RBFOX1: variants seen among roughly 807,000 people sequenced by gnomAD.
RBFOX1 encodes RNA binding fox-1 homolog 1, also known as RNA binding protein fox-1 homolog 1.
Under a neutral mutation model 57.7 loss-of-function variants are expected in RBFOX1, and 8 were observed. The ratio of observed to expected loss-of-function variants is 0.14; its 90% CI spans 0.08 to 0.25. The LOEUF is 0.25. Among genes scored for constraint, RBFOX1 ranks in the 10% least tolerant of loss-of-function variants. The pLI, the probability that RBFOX1 is intolerant of heterozygous loss-of-function variation, is 1.00. For missense variants in RBFOX1, 611 were observed against 548.5 expected (o/e 1.11, Z -1.14); for synonymous variants, 326 against 222.4 (o/e 1.47, Z -4.15).
chr16:7,451,466 C>T (rs894516823), intron 4 of RBFOX1, among the ~76,000 whole-genome samples: 8 of 152,016 alleles, frequency 5.3e-5, no homozygotes, highest in African/African-American at 9.7e-5. Flanking sequence ...ATTTTGTGCT[C>T]GGGACCGTAA....
chr16:6,701,874 C>T (rs1026105260), intron 3 of RBFOX1, among the ~76,000 whole-genome samples: 2 of 152,062 alleles, frequency 1.3e-5, no homozygotes, highest in African/African-American at 2.4e-5. Context: ...ACTGTGTTCT[C>T]ACTTATAAAT....
upstream of RBFOX1, among the ~76,000 whole-genome samples, chr16:6,016,727 C>T (rs536478088): frequency 1.3e-5 from 2 of 152,190 alleles, no homozygotes; most frequent in East Asian, 1.9e-4. Context: ...CATAGCAGGG[C>T]GATTCTTGGC....
intron 2 of RBFOX1, among the ~76,000 whole-genome samples, chr16:5,521,386 A>G (rs989524302): frequency 1.3e-5 from 2 of 152,282 alleles, no homozygotes; most frequent in East Asian, 3.9e-4. Flanking sequence ...TGGAAAAAGA[A>G]AAAAGATCAT....
chr16:6,619,211 C>A lies in RBFOX1; in HGVS notation c.-63-35392C>A, dbSNP rs117946381. Among the ~76,000 whole-genome samples, 6 of 152,100 alleles carry A rather than the reference C, an allele frequency of 3.9e-5. No individual in the cohort carries two copies. In the South Asian group the frequency reaches 6.2e-4, roughly 16 times the overall value. On this transcript the variant is annotated intron_variant, in intron 2 of 15. Coordinates refer to ENST00000550418, the MANE Select transcript of RBFOX1 (RefSeq NM_018723.4). ...TCTGATGTCTCATGCCTCTGTCCCC[C>A]CCTTAAACAGTGAGGCAGCTGGGCT...
chr16:7,683,882 G>T (rs1230331880), intron 14 of RBFOX1, among the ~76,000 whole-genome samples: 1 of 151,950 alleles, frequency 6.6e-6, no homozygotes. Flanking sequence ...ATCCAGTAAA[G>T]CAGAAGATAG....
chr16:6,954,651 G>A (rs1041496807), intron 3 of RBFOX1, among the ~76,000 whole-genome samples: 19 of 152,080 alleles, frequency 1.2e-4, no homozygotes, highest in African/African-American at 4.6e-4. Context: ...TTCTAGGGCA[G>A]TTCTCCAATA....
intron 3 of RBFOX1, among the ~76,000 whole-genome samples, chr16:6,891,025 C>T (rs886308493): frequency 5.3e-5 from 8 of 152,140 alleles, no homozygotes; most frequent in Non-Finnish European, 1.2e-4. Flanking sequence ...GTTTTGAGGA[C>T]AGGAGTTACG....
At chr16:6,206,616 C>G (rs1038178447) in intron 1 of RBFOX1, among the ~76,000 whole-genome samples, 7 of 152,112 alleles carry the variant, frequency 4.6e-5, no homozygotes, top group African/African-American at 7.2e-5. Flanking sequence ...ATTTCCACCA[C>G]AATACATTTT....
At chr16:7,034,832 TTTTTTTTTC>T (rs1438734533) in intron 3 of RBFOX1, among the ~76,000 whole-genome samples, 18 of 113,532 alleles carry the variant, frequency 1.6e-4, no homozygotes, top group African/African-American at 4.1e-4. Flanking sequence ...CATTACTTTT[TTTTTTTTTC>T]TTTTTTCTTT....
intron 3 of RBFOX1, among the ~76,000 whole-genome samples, chr16:6,699,215 C>G (rs1165521099): frequency 6.6e-6 from 1 of 152,018 alleles, no homozygotes; most frequent in East Asian, 1.9e-4. Context: ...ATATGGACTA[C>G]TGTTCTGGGA....
At chr16:5,899,972 G>T (rs1037580362) in intron 4 of RBFOX1, among the ~76,000 whole-genome samples, 2 of 152,176 alleles carry the variant, frequency 1.3e-5, no homozygotes, top group Non-Finnish European at 2.9e-5. Context: ...ACTGGGATGG[G>T]GAGGCTGAGA....
intron 3 of RBFOX1, among the ~76,000 whole-genome samples, chr16:5,678,488 G>C (rs1182501741): frequency 6.6e-6 from 1 of 152,182 alleles, no homozygotes; most frequent in Non-Finnish European, 1.5e-5. Flanking sequence ...AAGCGGGTAG[G>C]GCAAGGTCTT....
At chr16:7,458,161 A>G (rs1160780848) in intron 4 of RBFOX1, among the ~76,000 whole-genome samples, 4 of 152,154 alleles carry the variant, frequency 2.6e-5, no homozygotes, top group Non-Finnish European at 5.9e-5. Context: ...GGTGTGCACC[A>G]CACGTCTATA....
intron 2 of RBFOX1, among the ~76,000 whole-genome samples, chr16:6,537,455 A>G (rs111411474): frequency 9.8e-5 from 15 of 152,304 alleles, no homozygotes; most frequent in African/African-American, 3.1e-4. Context: ...AACAGTATAG[A>G]TAGACACAGT....
At chr16:6,827,915 A>T (rs569784613) in intron 3 of RBFOX1, among the ~76,000 whole-genome samples, 11 of 152,318 alleles carry the variant, frequency 7.2e-5, no homozygotes, top group African/African-American at 2.6e-4. Context: ...ATTTGCATAC[A>T]TTTGTAAGCA....
chr16:7,573,487 G>C (rs911707062), intron 5 of RBFOX1, among the ~76,000 whole-genome samples: 1 of 152,012 alleles, frequency 6.6e-6, no homozygotes, highest in African/African-American at 2.4e-5. Flanking sequence ...CCTACCTTCT[G>C]ATCTCCCAAA....
intron 2 of RBFOX1, among the ~76,000 whole-genome samples, chr16:6,619,687 C>CT (rs34849467): frequency 0.08 from 9,456 of 117,868 alleles, 437 homozygotes; most frequent in African/African-American, 0.11. Flanking sequence ...TGTTGGTTTC[C>CT]TTTTTTTTTT....
chr16:6,902,781 C>T (rs1007098011), intron 3 of RBFOX1, among the ~76,000 whole-genome samples: 2 of 152,118 alleles, frequency 1.3e-5, no homozygotes, highest in Non-Finnish European at 2.9e-5. Flanking sequence ...TTCAACTCAT[C>T]ATGTCATCAG....
intron 2 of RBFOX1, among the ~76,000 whole-genome samples, chr16:6,354,445 C>G (rs1304103134): frequency 6.6e-6 from 1 of 152,086 alleles, no homozygotes; most frequent in Non-Finnish European, 1.5e-5. Flanking sequence ...CACACAGCAG[C>G]GAAACCAGTG....
Sources: gnomAD v4.1 joint callset for allele counts (sites outside exome capture counted in the v4.1 genomes callset) on GRCh38, gnomAD v4.1.1 for gene constraint, MANE v1.5 for transcripts, NCBI Gene and HGNC (gene_info 2026-07-23, HGNC 2026-07-21) for gene names.